The following SCARA3 variants were observed in gnomAD, a reference collection of about 807,000 sequenced individuals.
SCARA3 encodes scavenger receptor class A member 3.
Under a neutral mutation model 47.0 loss-of-function variants are expected in SCARA3, and 39 were observed. That is an observed-to-expected ratio of 0.83 (90% confidence interval 0.64 to 1.08). SCARA3 has a LOEUF of 1.08. SCARA3 is among the 50% of genes least tolerant of loss of function. SCARA3 has a pLI of 0.00. For synonymous variants in SCARA3, 356 were observed against 334.1 expected (o/e 1.07, Z -0.71); for missense variants, 724 against 792.3 (o/e 0.91, Z 1.04).
chr8:27,668,494 T>C (rs1167888745), intron 5 of SCARA3, among the ~76,000 whole-genome samples: 4 of 142,744 alleles, frequency 2.8e-5, no homozygotes. Flanking sequence ...GAGCCGAGAT[T>C]GCGCCACTGC....
the SCARA3 span, among the ~76,000 whole-genome samples, chr8:27,682,273 A>C: frequency 1.3e-5 from 2 of 152,190 alleles, no homozygotes; most frequent in Non-Finnish European, 2.9e-5. Flanking sequence ...ACAAAAATTA[A>C]TTTGAGATGG....
intron 5 of SCARA3, among the ~76,000 whole-genome samples, chr8:27,663,005 G>A (rs1367961462): frequency 6.6e-6 from 1 of 152,192 alleles, no homozygotes; most frequent in Non-Finnish European, 1.5e-5. Flanking sequence ...TATTTGGAGA[G>A]GCCCGTCCAC....
rs201176832 is a variant in SCARA3, at chr8:27,671,651, C to T, written c.*300C>T. 0.072 allele frequency: 81,326 copies of T among 1,123,440 alleles called. 3,149 individuals carry two copies. Among genetic ancestry groups the T allele is most frequent in the East Asian group, 0.18 (4,527 of 24,540 alleles). 69.6% of individuals were successfully genotyped at this position (1,123,440 alleles called of 1,614,324 possible). On this transcript the variant is annotated 3_prime_UTR_variant, in exon 6 of 6. Transcript: ENST00000301904. ...ACAGGCATACATGCATGCACACACA[C>T]ATGCACGCACACACACATGCACACA...
chr8:27,654,551 G>A (rs909293576), intron 3 of SCARA3, among the ~76,000 whole-genome samples: 1 of 152,070 alleles, frequency 6.6e-6, no homozygotes, highest in African/African-American at 2.4e-5. Context: ...TTGAGCTCAG[G>A]AGTTTGAGGC....
chr8:27,668,497 G>A lies in SCARA3; in HGVS notation c.1370-2403G>A, dbSNP rs980640574. 4.2e-5 allele frequency among the ~76,000 whole-genome samples: 6 copies of A among 143,388 alleles called. No homozygotes were observed. The South Asian group carries it at 1.2e-3, about 29-fold the overall frequency. 94.1% of individuals were successfully genotyped at this position (143,388 alleles called of 152,430 possible). A position where few individuals can be genotyped will look rare whatever the true frequency, so the allele number is the denominator to read the frequency against. ...GGAGCTTGCAGTGAGCCGAGATTGC[G>A]CCACTGCAGTCCGCAGTCCGGCCTG... On this transcript the variant is annotated intron_variant, in intron 5 of 5. Coordinates refer to ENST00000301904, the MANE Select transcript of SCARA3 (RefSeq NM_016240.3).
the SCARA3 span, among the ~76,000 whole-genome samples, chr8:27,697,813 T>C: frequency 4.6e-5 from 7 of 152,198 alleles, no homozygotes; most frequent in East Asian, 1.3e-3. Flanking sequence ...CCATCATCCA[T>C]GTAAGACGTG....
At chr8:27,656,698 C>T (rs1801750748) in intron 3 of SCARA3, 84 bp from the exon 4 acceptor site, 1 of 842,998 alleles carries the variant, frequency 1.2e-6, no homozygotes, top group Admixed American at 1.7e-5. Flanking sequence ...TGCAGAGGAG[C>T]TGATAAAGAT....
At chr8:27,676,807 G>T, downstream of SCARA3, 1 of 430,852 alleles carries the variant, frequency 2.3e-6, no homozygotes, top group South Asian at 3.2e-5. Context: ...AGGGGGATGT[G>T]ATTAAAATAT....
chr8:27,674,077 G>A (rs377350015), downstream of SCARA3, among the ~76,000 whole-genome samples: 1 of 152,150 alleles, frequency 6.6e-6, no homozygotes, highest in Non-Finnish European at 1.5e-5. Context: ...TATTTCTTGG[G>A]AAGTGTTCCC....
At position 27,651,745 on chromosome 8, in the gene SCARA3, G is replaced by C. The variant is rs35990796; in HGVS notation, c.226+118G>C. Reference sequence around the variant, plus strand: ...ATCTGTATCCCAGGGCCCAGAGCCAGCATCTTCCTGGCTAGGGGATCTCTA... The same window carrying C: ...ATCTGTATCCCAGGGCCCAGAGCCACCATCTTCCTGGCTAGGGGATCTCTA... On this transcript the variant is annotated intron_variant, in intron 3 of 5. Transcript: ENST00000301904. 1,607 of 1,351,924 alleles carry C rather than the reference G, an allele frequency of 1.2e-3. 20 individuals carry two copies. In the African/African-American group the frequency reaches 0.02, roughly 17 times the overall value. 83.7% of individuals were successfully genotyped at this position (1,351,924 alleles called of 1,614,324 possible). A position where few individuals can be genotyped will look rare whatever the true frequency, so the allele number is the denominator to read the frequency against.
chr8:27,711,332 T>C, the SCARA3 span, among the ~76,000 whole-genome samples: 122 of 152,352 alleles, frequency 8.0e-4, no homozygotes, highest in African/African-American at 2.8e-3. Flanking sequence ...CTTCACTTAC[T>C]AGCTGGAACT....
chr8:27,722,605 C>G, the SCARA3 span, among the ~76,000 whole-genome samples: 1 of 152,198 alleles, frequency 6.6e-6, no homozygotes, highest in Non-Finnish European at 1.5e-5. Flanking sequence ...GACCCATTCT[C>G]TAATGGCTCT....
At chr8:27,692,129 A>C in the SCARA3 span, among the ~76,000 whole-genome samples, 1 of 152,164 alleles carries the variant, frequency 6.6e-6, no homozygotes, top group Non-Finnish European at 1.5e-5. Context: ...ATTAAAACAG[A>C]GATCTTAAAA....
intron 1 of SCARA3, among the ~76,000 whole-genome samples, chr8:27,640,196 A>G (rs1032462899): frequency 7.2e-5 from 11 of 152,226 alleles, no homozygotes; most frequent in Admixed American, 3.3e-4. Flanking sequence ...TAACCTTTTT[A>G]TAACACATTT....
Position 27,659,526 on chromosome 8 carries a change from C to T in SCARA3, c.1356C>T (p.Val452=). ...AGCATGGAGAAATCCTTCGCAATGT[C>T]ACCATCCTACGAGGTAAGAGCTGGG... The part of the protein sequence containing the change: ...DTQHGEILRN[V]TILRGAPGPP... The change falls in exon 5 of 6, where the codon GTC becomes GTT. Residue 452 remains valine, a synonymous_variant. Transcript: ENST00000301904. The T allele has an allele frequency of 6.2e-7, 1 of 1,606,986 alleles. No homozygotes were observed. The highest frequency in any genetic ancestry group is 8.5e-7 in the Non-Finnish European group (1 of 1,175,514).
At chr8:27,709,382 C>A in the SCARA3 span, among the ~76,000 whole-genome samples, 2 of 152,306 alleles carry the variant, frequency 1.3e-5, no homozygotes, top group Admixed American at 1.3e-4. Context: ...AGAATGAAGG[C>A]CCTGGCCTTC....
At chr8:27,694,253 A>C in the SCARA3 span, among the ~76,000 whole-genome samples, 2 of 152,218 alleles carry the variant, frequency 1.3e-5, no homozygotes, top group South Asian at 2.1e-4. Context: ...AGATTTCTAC[A>C]TAAAGAGTAT....
the SCARA3 span, among the ~76,000 whole-genome samples, chr8:27,707,431 A>G: frequency 6.6e-6 from 1 of 151,740 alleles, no homozygotes; most frequent in East Asian, 1.9e-4. Flanking sequence ...ACTAGCTGCT[A>G]TGAAAAAAGG....
chr8:27,646,966 GCCC>G (rs869278331), intron 1 of SCARA3, among the ~76,000 whole-genome samples: 2 of 29,844 alleles, frequency 6.7e-5, no homozygotes, highest in Non-Finnish European at 1.2e-4. Flanking sequence ...ACCCCTGACC[GCCC>G]CCGCCCCCCC....
Sources: allele counts gnomAD v4.1 joint callset (sites outside exome capture counted in the v4.1 genomes callset), GRCh38; gene constraint gnomAD v4.1.1; transcripts MANE v1.5; gene names NCBI Gene and HGNC (gene_info 2026-07-23, HGNC 2026-07-21).